The following FAT1 variants were observed in gnomAD, a reference collection of about 807,000 sequenced individuals.
FAT1 encodes protocadherin Fat 1.
In FAT1, 171 loss-of-function variants were observed where a neutral mutation model predicts 329.8. The observed-to-expected ratio is 0.52, with a 90% CI of 0.46 to 0.59. The LOEUF (loss-of-function observed/expected upper bound fraction) is 0.59. Ranked by LOEUF, FAT1 falls within the 20% of genes least tolerant of loss-of-function variation. FAT1 has a pLI of 0.00. For synonymous variants in FAT1, 2,233 were observed against 2,228.6 expected (o/e 1.00, Z -0.06); for missense variants, 5,672 against 5,774.4 (o/e 0.98, Z 0.57).
chr4:186,726,054 C>T (rs955985884), upstream of FAT1, among the ~76,000 whole-genome samples: 2 of 152,236 alleles, frequency 1.3e-5, no homozygotes, highest in Non-Finnish European at 2.9e-5. Context: ...GGCCCCGATG[C>T]GCCCTCCCTA....
chr4:186,699,679 C>G (rs1435371974), intron 2 of FAT1, among the ~76,000 whole-genome samples: 1 of 144,230 alleles, frequency 6.9e-6, no homozygotes, highest in African/African-American at 2.7e-5. Context: ...TTATAAGCAG[C>G]ATGGTCTGCT....
rs73873662 is a variant in FAT1, at chr4:186,620,532, G to A, written c.6054C>T (p.Asn2018=). 2.5e-6 allele frequency: 4 copies of A among 1,613,956 alleles called. No homozygotes were observed. Among genetic ancestry groups the A allele is most frequent in the Non-Finnish European group, 3.4e-6 (4 of 1,179,902 alleles). The change falls in exon 10 of 27, where the codon AAC becomes AAT. Residue 2018 remains asparagine, a synonymous_variant. Transcript: ENST00000441802. ...GGCTTATTTTAAATCTGCGATCTGG[G>A]TTGAGGATGTGATAAAACAAAGGCT... is the stretch of plus-strand genomic sequence containing the variant. ...INEPLFYHIL[N]PDRRFKISRT... is the part of the protein sequence containing the mutation.
At position 186,620,081 on chromosome 4, in the gene FAT1, T is replaced by C. The variant is rs772433922; in HGVS notation, c.6505A>G (p.Ile2169Val). The C allele has an allele frequency of 6.2e-7, 1 of 1,614,056 alleles. No individual in the cohort carries two copies. The highest frequency in any genetic ancestry group is 8.5e-7 in the Non-Finnish European group (1 of 1,179,900). Reference sequence around the variant, plus strand: ...TTATTCATGACAGTGATCGGAACGATAACTTCCGCTGAAAAGGCCGGGTTC... The same window carrying C: ...TTATTCATGACAGTGATCGGAACGACAACTTCCGCTGAAAAGGCCGGGTTC... ...GGNPAFSAEVIVPITVMNKAM... is the reference protein window; with the variant it reads ...GGNPAFSAEVVVPITVMNKAM... Residue 2169 changes from isoleucine (I) to valine (V), a missense_variant, in exon 10 of 27, where the codon ATC (isoleucine) becomes GTC (valine). Transcript: ENST00000441802.
intron 3 of FAT1, among the ~76,000 whole-genome samples, chr4:186,661,115 C>T (rs142082954): frequency 4.6e-4 from 70 of 152,296 alleles, no homozygotes; most frequent in African/African-American, 1.5e-3. Context: ...ATGACATATA[C>T]GTGTGTTGTG....
intron 26 of FAT1, among the ~76,000 whole-genome samples, chr4:186,594,011 C>A (rs1738368232): frequency 6.6e-6 from 1 of 152,086 alleles, no homozygotes; most frequent in Admixed American, 6.6e-5. Context: ...CTGCATTGTA[C>A]TATCTGGAAG....
chr4:186,648,179 G>C (rs1355233935), intron 3 of FAT1, among the ~76,000 whole-genome samples: 1 of 152,136 alleles, frequency 6.6e-6, no homozygotes, highest in Non-Finnish European at 1.5e-5. Context: ...CTGGAGGGAA[G>C]AGAGGAGAGA....
chr4:186,604,406 C>T lies in FAT1; in HGVS notation c.10519G>A (p.Glu3507Lys), dbSNP rs201158459. ...LLTSSAIKRK[E>K]KDHYLLQVKV... ...ACCTGCAGTAAGTAATGATCTTTCT[C>T]CTTCCTCTTGATGGCAGATGATGTC... The change falls in exon 18 of 27, where the codon GAG becomes AAG. Residue 3507 changes from glutamate to lysine, a missense_variant. Glu to Lys is a moderately conservative substitution (Grantham distance 56, BLOSUM62 1). Around this residue, in one of 2 missense-constraint regions of FAT1, gnomAD observed 1,706 missense variants for 1,859.1 expected, o/e 0.92. Coordinates refer to ENST00000441802, the MANE Select transcript of FAT1 (RefSeq NM_005245.4). 759 of 1,613,724 alleles carry T rather than the reference C, an allele frequency of 4.7e-4. 1 individual carries two copies. Among genetic ancestry groups the T allele is most frequent in the South Asian group, 2.5e-3 (230 of 91,010 alleles).
chr4:186,716,514 A>G (rs1449097068), intron 1 of FAT1, among the ~76,000 whole-genome samples: 6 of 151,564 alleles, frequency 4.0e-5, no homozygotes, highest in Admixed American at 6.6e-5. Context: ...TGCAGCACCA[A>G]CCTTCCAGGC....
At chr4:186,615,212 T>A (rs1739654557) in intron 11 of FAT1, among the ~76,000 whole-genome samples, 1 of 152,034 alleles carries the variant, frequency 6.6e-6, no homozygotes, top group Admixed American at 6.6e-5. Flanking sequence ...CAAAGACAGT[T>A]GCTGTAAGAG....
intron 26 of FAT1, among the ~76,000 whole-genome samples, chr4:186,591,500 G>T (rs1560913375): frequency 6.6e-6 from 1 of 152,146 alleles, no homozygotes; most frequent in Non-Finnish European, 1.5e-5. Flanking sequence ...TGTTACGTAG[G>T]CACTAGTAAT....
At chr4:186,668,786 T>C (rs1323325198) in intron 2 of FAT1, among the ~76,000 whole-genome samples, 1 of 152,188 alleles carries the variant, frequency 6.6e-6, no homozygotes, top group Non-Finnish European at 1.5e-5. Flanking sequence ...AATTTTCACA[T>C]TTCCATTGGG....
chr4:186,707,812 C>A lies in FAT1; in HGVS notation c.2016G>T (p.Leu672Phe), dbSNP rs1352963831. ...TVAASHKLVN[L>F]QCEETGVAKM... ...TGGCAACACCAGTCTCTTCACACTGCAAGTTTACCAGCTTGTGACTGGCAG... is the reference window on the plus strand; with the variant it reads ...TGGCAACACCAGTCTCTTCACACTGAAAGTTTACCAGCTTGTGACTGGCAG... Residue 672 changes from leucine to phenylalanine, a missense_variant, in exon 2 of 27, where the codon TTG becomes TTT. Physicochemically the swap from Leu to Phe is conservative, Grantham distance 22. Around this residue, in one of 2 missense-constraint regions of FAT1, gnomAD observed 3,966 missense variants for 3,915.2 expected, o/e 1.01. Transcript: ENST00000441802. The A allele has an allele frequency of 6.2e-7, 1 of 1,613,584 alleles. No individual in the cohort carries two copies. The highest frequency in any genetic ancestry group is 8.5e-7 in the Non-Finnish European group (1 of 1,179,898).
At chr4:186,715,130 C>T (rs1745150493) in intron 1 of FAT1, among the ~76,000 whole-genome samples, 1 of 147,504 alleles carries the variant, frequency 6.8e-6, no homozygotes, top group South Asian at 2.1e-4. Flanking sequence ...CCCCCTCCAT[C>T]CCCCCACCAG....
chr4:186,655,589 C>T (rs1345716384), intron 3 of FAT1, among the ~76,000 whole-genome samples: 1 of 152,104 alleles, frequency 6.6e-6, no homozygotes, highest in Non-Finnish European at 1.5e-5. Flanking sequence ...TGTGCACCAC[C>T]ACACCCAGCT....
intron 2 of FAT1, among the ~76,000 whole-genome samples, chr4:186,700,707 A>G (rs905269102): frequency 2.0e-5 from 3 of 152,168 alleles, no homozygotes; most frequent in African/African-American, 7.2e-5. Flanking sequence ...GCACCCAAGA[A>G]GTCTTGGGCA....
rs759121211 is a variant in FAT1 at position 186,706,555 on chromosome 4, A to G, written c.3265+8T>C. ...GGCATCAAATGAGAGCAATAAAAAC[A>G]TATTTACCTGTCTCTTCACCTATTT... is the stretch of plus-strand genomic sequence containing the variant. On this transcript the variant is annotated splice_region_variant and intron_variant, in intron 2 of 26. Coordinates refer to ENST00000441802, the MANE Select transcript of FAT1 (RefSeq NM_005245.4). The G allele has an allele frequency of 3.8e-6, 6 of 1,581,338 alleles. No homozygotes were observed. Among genetic ancestry groups the G allele is most frequent in the Non-Finnish European group, 5.2e-6 (6 of 1,163,834 alleles).
rs114865077 is a variant in FAT1, at chr4:186,656,396, A to G, written c.3580+6903T>C. ...TACAGAAAATAAGAAAAGAGAGTTA[A>G]TATACTAAGGAAGGGAACGGAGTGT... On this transcript the variant is annotated intron_variant, in intron 3 of 26. Transcript: ENST00000441802. Among the ~76,000 whole-genome samples, 216 of 152,382 alleles carry G rather than the reference A, an allele frequency of 1.4e-3. 1 individual carries two copies. The highest frequency in any genetic ancestry group is 2.5e-3 in the Non-Finnish European group (170 of 68,038).
At chr4:186,608,628 C>T (rs995926607) in intron 16 of FAT1, among the ~76,000 whole-genome samples, 6 of 152,160 alleles carry the variant, frequency 3.9e-5, no homozygotes, top group African/African-American at 7.2e-5. Flanking sequence ...AGCAACTGAC[C>T]TTCCTCAGCT....
At chr4:186,699,192 A>G (rs1030504712) in intron 2 of FAT1, among the ~76,000 whole-genome samples, 3 of 152,212 alleles carry the variant, frequency 2.0e-5, no homozygotes, top group Non-Finnish European at 4.4e-5. Flanking sequence ...CTTACCTGTG[A>G]TAAGAATATG....
Sources: gnomAD v4.1 joint callset for allele counts (sites outside exome capture counted in the v4.1 genomes callset) on GRCh38, gnomAD v4.1.1 for gene constraint, gnomAD v4.1.1 regional missense constraint, MANE v1.5 for transcripts, NCBI Gene and HGNC (gene_info 2026-07-23, HGNC 2026-07-21) for gene names.